Variants in PRKG1 observed in about 807,000 individuals in gnomAD.
PRKG1 encodes cGMP-dependent protein kinase 1.
Under a neutral mutation model 88.1 loss-of-function variants are expected in PRKG1, and 35 were observed. The ratio of observed to expected loss-of-function variants is 0.40; its 90% CI spans 0.30 to 0.53. The LOEUF is 0.53. Among genes scored for constraint, PRKG1 ranks in the 20% least tolerant of loss-of-function variants. PRKG1 has a pLI of 0.59. For missense variants in PRKG1, 540 were observed against 839.8 expected, an observed-to-expected ratio of 0.64 and a Z score of 4.41; for synonymous variants, 303 against 292.5, an observed-to-expected ratio of 1.04 and a Z score of -0.37.
intron 3 of PRKG1, among the ~76,000 whole-genome samples, chr10:51,784,682 C>T (rs1044857886): frequency 4.6e-5 from 7 of 152,080 alleles, no homozygotes; most frequent in Admixed American, 2.6e-4. Flanking sequence ...AGTCTACATG[C>T]TTTATTCAGG....
intron 3 of PRKG1, among the ~76,000 whole-genome samples, chr10:51,590,826 G>T (rs1838294802): frequency 6.6e-6 from 1 of 151,970 alleles, no homozygotes; most frequent in Non-Finnish European, 1.5e-5. Flanking sequence ...GGGGGGTGGG[G>T]TGGTATTGCA....
intron 1 of PRKG1, among the ~76,000 whole-genome samples, chr10:51,057,141 C>T (rs543387856): frequency 1.3e-5 from 2 of 152,326 alleles, no homozygotes; most frequent in Admixed American, 1.3e-4. Flanking sequence ...CGTATGCACA[C>T]ATATATATTG....
chr10:51,577,525 G>A (rs58795360), intron 3 of PRKG1, among the ~76,000 whole-genome samples: 21,641 of 151,954 alleles, frequency 0.14, 1,665 homozygotes, highest in African/African-American at 0.2. Flanking sequence ...AAAAGAAATA[G>A]GCACAGTATT....
chr10:52,286,195 G>A lies in PRKG1; in HGVS notation c.1710-2531G>A, dbSNP rs182679941. Among the ~76,000 whole-genome samples, 23 of 152,086 alleles carry A rather than the reference G, an allele frequency of 1.5e-4. No individual in the cohort carries two copies. The East Asian group carries it at 3.3e-3, about 22-fold the overall frequency. Reference sequence around the variant, plus strand: ...ATTGGCATCAAAGCCATAAAAACACGGCATGTGTGGTATTGGGAGTGAAGA... The same window carrying A: ...ATTGGCATCAAAGCCATAAAAACACAGCATGTGTGGTATTGGGAGTGAAGA... On this transcript the variant is annotated intron_variant, in intron 14 of 17. Coordinates refer to ENST00000373980, the MANE Select transcript of PRKG1 (RefSeq NM_006258.4).
At chr10:51,033,269 C>T (rs1843309976) in intron 1 of PRKG1, among the ~76,000 whole-genome samples, 1 of 152,178 alleles carries the variant, frequency 6.6e-6, no homozygotes, top group Non-Finnish European at 1.5e-5. Flanking sequence ...CACCTTATTT[C>T]CATTCCTGAT....
intron 1 of PRKG1, among the ~76,000 whole-genome samples, chr10:51,060,309 T>C (rs1843679039): frequency 6.6e-6 from 1 of 152,110 alleles, no homozygotes; most frequent in South Asian, 2.1e-4. Flanking sequence ...TGATCTGTCA[T>C]TGATCAAATC....
chr10:51,465,930 T>C (rs545616200), intron 2 of PRKG1, among the ~76,000 whole-genome samples: 17 of 152,320 alleles, frequency 1.1e-4, no homozygotes, highest in African/African-American at 4.1e-4. Flanking sequence ...TTACCTGCTT[T>C]ATCTCACTTA....
At chr10:51,943,453 C>A (rs1842954500) in intron 5 of PRKG1, among the ~76,000 whole-genome samples, 1 of 152,012 alleles carries the variant, frequency 6.6e-6, no homozygotes, top group South Asian at 2.1e-4. Context: ...ATTTCCTTCT[C>A]CTGCCTAATT....
intron 7 of PRKG1, among the ~76,000 whole-genome samples, chr10:52,108,022 T>C (rs1396535072): frequency 6.6e-6 from 1 of 152,194 alleles, no homozygotes; most frequent in Non-Finnish European, 1.5e-5. Flanking sequence ...ATTTTCAAAT[T>C]ATACACACGC....
chr10:51,380,053 G>T (rs965071031), intron 2 of PRKG1, among the ~76,000 whole-genome samples: 6 of 152,148 alleles, frequency 3.9e-5, no homozygotes, highest in African/African-American at 7.2e-5. Context: ...TAAGAGGTGT[G>T]ATCAGCCCTG....
chr10:51,386,295 G>C (rs769550299), intron 2 of PRKG1, among the ~76,000 whole-genome samples: 7 of 151,992 alleles, frequency 4.6e-5, no homozygotes, highest in East Asian at 1.9e-4. Context: ...TATTACTCAG[G>C]GTTCTTTAAA....
chr10:51,820,833 T>G (rs149309744), intron 4 of PRKG1, among the ~76,000 whole-genome samples: 2,098 of 152,314 alleles, frequency 0.014, 22 homozygotes, highest in Admixed American at 0.023. Context: ...CTTCCTAATT[T>G]GGTTATAACT....
At chr10:51,993,064 A>G (rs1844353137) in intron 5 of PRKG1, among the ~76,000 whole-genome samples, 1 of 152,226 alleles carries the variant, frequency 6.6e-6, no homozygotes, top group South Asian at 2.1e-4. Context: ...GACATAATAT[A>G]TAATTCATAA....
rs536375442 is a variant in PRKG1 at position 51,237,172 on chromosome 10, G to C, written c.478+83842G>C. ...GGCAAGTCATCCCTGTAATTCAACT[G>C]TCTTTGCCTGATGACATTAAATAAT... On this transcript the variant is annotated intron_variant, in intron 2 of 17. Coordinates refer to ENST00000373980, the MANE Select transcript of PRKG1 (RefSeq NM_006258.4). Among the ~76,000 whole-genome samples the C allele has an allele frequency of 1.0e-3, 159 of 152,316 alleles. 1 individual carries two copies. The highest frequency in any genetic ancestry group is 3.5e-3 in the African/African-American group (145 of 41,568).
intron 3 of PRKG1, among the ~76,000 whole-genome samples, chr10:51,767,711 A>G (rs566925037): frequency 2.6e-4 from 39 of 152,300 alleles, no homozygotes; most frequent in Non-Finnish European, 4.4e-4. Flanking sequence ...GAAAATATGA[A>G]TAGATGATCT....
intron 9 of PRKG1, among the ~76,000 whole-genome samples, chr10:52,247,411 G>T (rs960102804): frequency 3.9e-5 from 6 of 152,194 alleles, no homozygotes; most frequent in African/African-American, 1.4e-4. Context: ...ACAGTAATAA[G>T]TTAGATAGGA....
chr10:52,074,670 C>G (rs953702186), intron 7 of PRKG1, among the ~76,000 whole-genome samples: 3 of 152,124 alleles, frequency 2.0e-5, no homozygotes, highest in Non-Finnish European at 2.9e-5. Context: ...CTTAATTTTT[C>G]CTTTATACAA....
intron 3 of PRKG1, among the ~76,000 whole-genome samples, chr10:51,760,302 A>G (rs904220902): frequency 2.6e-5 from 4 of 152,204 alleles, no homozygotes; most frequent in Non-Finnish European, 2.9e-5. Context: ...CATGATAAAT[A>G]ACCCGGAGAA....
intron 3 of PRKG1, among the ~76,000 whole-genome samples, chr10:51,584,169 G>A (rs958583183): frequency 6.6e-6 from 1 of 151,900 alleles, no homozygotes; most frequent in South Asian, 2.1e-4. Flanking sequence ...GAACCTCAGG[G>A]TAACTCACTG....
Sources: allele counts gnomAD v4.1 joint callset (sites outside exome capture counted in the v4.1 genomes callset), GRCh38; gene constraint gnomAD v4.1.1; transcripts MANE v1.5; gene names NCBI Gene and HGNC (gene_info 2026-07-23, HGNC 2026-07-21).